THRAP3: variants seen among roughly 807,000 people sequenced by gnomAD.
THRAP3 encodes thyroid hormone receptor associated protein 3.
Under a neutral mutation model 101.0 loss-of-function variants are expected in THRAP3, and 16 were observed. The ratio of observed to expected loss-of-function variants is 0.16; its 90% CI spans 0.11 to 0.24. THRAP3 has a LOEUF of 0.24. Among genes scored for constraint, THRAP3 ranks in the 10% least tolerant of loss-of-function variants. The pLI is 1.00. For synonymous variants in THRAP3, 407 were observed against 422.6 expected, an observed-to-expected ratio of 0.96 and a Z score of 0.45; for missense variants, 989 against 1,202.7, an observed-to-expected ratio of 0.82 and a Z score of 2.63.
At chr1:36,241,727 C>T (rs1645164017) in intron 1 of THRAP3, among the ~76,000 whole-genome samples, 1 of 151,878 alleles carries the variant, frequency 6.6e-6, no homozygotes, top group Admixed American at 6.6e-5. Flanking sequence ...TACAGGCACC[C>T]ACCACCATGC....
At chr1:36,271,207 T>G (rs1010079039) in intron 2 of THRAP3, among the ~76,000 whole-genome samples, 1 of 152,210 alleles carries the variant, frequency 6.6e-6, no homozygotes, top group African/African-American at 2.4e-5. Context: ...TCTACCAAAT[T>G]CCACAGAATT....
At chr1:36,258,299 TA>T (rs1645401947) in intron 1 of THRAP3, among the ~76,000 whole-genome samples, 1 of 152,208 alleles carries the variant, frequency 6.6e-6, no homozygotes, top group South Asian at 2.1e-4. Flanking sequence ...TTGGCTGATG[TA>T]ACCTAGGCTG....
intron 1 of THRAP3, among the ~76,000 whole-genome samples, chr1:36,252,740 A>G (rs4639719): frequency 4.5e-3 from 677 of 151,604 alleles, no homozygotes; most frequent in Non-Finnish European, 7.0e-3. Flanking sequence ...CCCTGTCTCT[A>G]CTAAAAATAC....
intron 1 of THRAP3, among the ~76,000 whole-genome samples, chr1:36,255,059 T>G (rs1280399902): frequency 6.6e-6 from 1 of 152,250 alleles, no homozygotes; most frequent in African/African-American, 2.4e-5. Context: ...AAAGGTTTAT[T>G]TGCTAAGCTG....
intron 4 of THRAP3, chr1:36,287,595 A>G: frequency 1.0e-6 from 1 of 985,436 alleles, no homozygotes; most frequent in South Asian, 4.7e-5. Context: ...AAAAAAAAGT[A>G]TGGTCTTTGC....
intron 1 of THRAP3, among the ~76,000 whole-genome samples, chr1:36,256,849 G>T (rs988202721): frequency 1.3e-5 from 2 of 151,970 alleles, no homozygotes; most frequent in Admixed American, 1.3e-4. Flanking sequence ...AGGCTGGAGT[G>T]CAGTGGTGCG....
chr1:36,276,157 A>G (rs1382533994), intron 2 of THRAP3, among the ~76,000 whole-genome samples: 1 of 151,928 alleles, frequency 6.6e-6, no homozygotes, highest in Non-Finnish European at 1.5e-5. Context: ...GTTAGACAAA[A>G]CCTGCTTAGA....
chr1:36,234,468 T>C (rs1463164398), intron 1 of THRAP3, among the ~76,000 whole-genome samples: 1 of 152,102 alleles, frequency 6.6e-6, no homozygotes, highest in Non-Finnish European at 1.5e-5. Flanking sequence ...TTCAGGCCAG[T>C]GTTTGGATAT....
chr1:36,293,129 A>G (rs1201704806), intron 7 of THRAP3, among the ~76,000 whole-genome samples: 2 of 133,104 alleles, frequency 1.5e-5, no homozygotes, highest in African/African-American at 2.7e-5. Context: ...CCCAGGTTCA[A>G]GCAATTCTCA....
intron 11 of THRAP3, 49 bp downstream of exon 11, chr1:36,301,745 A>C: frequency 6.4e-7 from 1 of 1,566,002 alleles, no homozygotes; most frequent in South Asian, 1.2e-5. Context: ...TTTGACACAC[A>C]GAGTAGCTGA....
intron 2 of THRAP3, among the ~76,000 whole-genome samples, chr1:36,266,945 A>T (rs1428794577): frequency 6.6e-6 from 1 of 151,914 alleles, no homozygotes; most frequent in Non-Finnish European, 1.5e-5. Context: ...CAGTGGCACG[A>T]TCTTGGCTCA....
chr1:36,227,908 C>T (rs1424670400), intron 1 of THRAP3, among the ~76,000 whole-genome samples: 1 of 152,018 alleles, frequency 6.6e-6, no homozygotes, highest in Admixed American at 6.6e-5. Flanking sequence ...CGGAATCTCG[C>T]TCTGTTGCCC....
At chr1:36,258,721 C>T (rs1471110078) in intron 1 of THRAP3, among the ~76,000 whole-genome samples, 1 of 152,166 alleles carries the variant, frequency 6.6e-6, no homozygotes, top group Non-Finnish European at 1.5e-5. Flanking sequence ...CCTCGTGATC[C>T]GCCCGCCTTG....
chr1:36,224,623 C>T (rs1022919822), intron 1 of THRAP3, 118 bp downstream of exon 1: 11 of 152,584 alleles, frequency 7.2e-5, no homozygotes, highest in African/African-American at 2.7e-4. Flanking sequence ...CGTGGAGTCG[C>T]TCCCCCCAGC....
intron 3 of THRAP3, among the ~76,000 whole-genome samples, chr1:36,283,968 A>G (rs951539): frequency 0.034 from 5,130 of 152,288 alleles, 319 homozygotes; most frequent in African/African-American, 0.12. Context: ...TTTTAAAGCC[A>G]TGGGACCAGC....
chr1:36,269,560 A>C (rs1413905432), intron 2 of THRAP3, among the ~76,000 whole-genome samples: 5 of 152,086 alleles, frequency 3.3e-5, no homozygotes, highest in African/African-American at 1.2e-4. Context: ...ATTTGCTGTA[A>C]CTGATTCTCT....
At chr1:36,216,289 G>A in the THRAP3 span, among the ~76,000 whole-genome samples, 5 of 151,900 alleles carry the variant, frequency 3.3e-5, no homozygotes, top group African/African-American at 1.2e-4. Context: ...AAAGGCTGAG[G>A]TGGGTGGCTC....
chr1:36,211,539 A>G, the THRAP3 span, among the ~76,000 whole-genome samples: 1 of 152,164 alleles, frequency 6.6e-6, no homozygotes, highest in Non-Finnish European at 1.5e-5. Context: ...CCCTGTCTCA[A>G]AACAAACAAC....
intron 1 of THRAP3, among the ~76,000 whole-genome samples, chr1:36,233,303 C>G (rs970277628): frequency 8.6e-5 from 13 of 151,478 alleles, no homozygotes; most frequent in African/African-American, 3.1e-4. Flanking sequence ...GTCAGGAGAT[C>G]AAGACCATCC....
Sources: gnomAD v4.1 joint callset for allele counts (sites outside exome capture counted in the v4.1 genomes callset) on GRCh38, gnomAD v4.1.1 for gene constraint, MANE v1.5 for transcripts, NCBI Gene and HGNC (gene_info 2026-07-23, HGNC 2026-07-21) for gene names.